The following SFI1 variants were observed in gnomAD, a reference collection of about 807,000 sequenced individuals.
SFI1 encodes the protein SFI1 centrin binding protein, also known as protein SFI1 homolog.
A neutral mutation model predicts 207.5 loss-of-function variants in SFI1; 195 were observed. The observed-to-expected ratio is 0.94, with a 90% CI of 0.84 to 1.06. The LOEUF (loss-of-function observed/expected upper bound fraction) is 1.06. SFI1 is among the 50% of genes least tolerant of loss of function. The pLI is 0.00. For missense variants in SFI1, 1,634 were observed against 1,588.0 expected (o/e 1.03, Z -0.49); for synonymous variants, 630 against 598.9 (o/e 1.05, Z -0.76).
chr22:31,575,511 C>G, intron 10 of SFI1, 119 bp downstream of exon 10: 1 of 1,072,366 alleles, frequency 9.3e-7, no homozygotes, highest in Non-Finnish European at 1.3e-6. Flanking sequence ...TTCAAAACAG[C>G]CTTATCTCTG....
chr22:31,508,075 C>T (rs2054912921), intron 1 of SFI1, among the ~76,000 whole-genome samples, 180 bp from the exon 2 acceptor site: 2 of 150,638 alleles, frequency 1.3e-5, no homozygotes, highest in Non-Finnish European at 3.0e-5. Context: ...GACTTCGTCT[C>T]AAAAAAATTA....
At chr22:31,552,060 C>T (rs1417464966) in intron 6 of SFI1, among the ~76,000 whole-genome samples, 1 of 152,158 alleles carries the variant, frequency 6.6e-6, no homozygotes, top group African/African-American at 2.4e-5. Flanking sequence ...TCCCCAGTGT[C>T]TATTATCTCC....
At chr22:31,503,523 A>G (rs1053412612) in intron 1 of SFI1, among the ~76,000 whole-genome samples, 3 of 151,070 alleles carry the variant, frequency 2.0e-5, no homozygotes, top group Non-Finnish European at 2.9e-5. Context: ...GCCACCTTAG[A>G]AGGTCAATCT....
chr22:31,602,118 A>T lies in SFI1; in HGVS notation c.1545-94A>T, dbSNP rs189591766. On this transcript the variant is annotated intron_variant, in intron 15 of 32. Coordinates refer to ENST00000400288, the MANE Select transcript of SFI1 (RefSeq NM_001007467.3). ...CACCTCTTATACGATAGCATGGTATAAAAGGAAAAATCCAATTATTTGGAA... is the reference window on the plus strand; with the variant it reads ...CACCTCTTATACGATAGCATGGTATTAAAGGAAAAATCCAATTATTTGGAA... The T allele has an allele frequency of 3.1e-3, 3,435 of 1,092,474 alleles. 9 individuals carry two copies. The highest frequency in any genetic ancestry group is 3.9e-3 in the Non-Finnish European group (2,781 of 713,194). 67.7% of individuals were successfully genotyped at this position (1,092,474 alleles called of 1,614,324 possible).
chr22:31,498,060 C>T lies in SFI1; in HGVS notation c.-31+1423C>T, dbSNP rs148014585. Among the ~76,000 whole-genome samples, 973 of 152,090 alleles carry T rather than the reference C, an allele frequency of 6.4e-3. 7 individuals carry two copies. Among genetic ancestry groups the T allele is most frequent in the Non-Finnish European group, 9.9e-3 (670 of 67,996 alleles). On this transcript the variant is annotated intron_variant, in intron 1 of 32. Transcript: ENST00000400288. ...CTGTAATCCCAGCACTTTGGGAGGCCGAGGCGGGTGGATCACGAGGTCAGG... is the reference window on the plus strand; with the variant it reads ...CTGTAATCCCAGCACTTTGGGAGGCTGAGGCGGGTGGATCACGAGGTCAGG...
chr22:31,539,116 G>A (rs1457496276), intron 4 of SFI1, among the ~76,000 whole-genome samples: 1 of 152,112 alleles, frequency 6.6e-6, no homozygotes, highest in East Asian at 1.9e-4. Flanking sequence ...CCAAAATCAT[G>A]TTGCTTCAAC....
chr22:31,550,192 T>G, intron 5 of SFI1, 62 bp from the exon 6 acceptor site: 3 of 1,350,738 alleles, frequency 2.2e-6, no homozygotes, highest in Non-Finnish European at 3.2e-6. Flanking sequence ...GTTACAGGTG[T>G]GAGCCACCGC....
chr22:31,581,482 GT>G (rs1420176027), intron 12 of SFI1, among the ~76,000 whole-genome samples: 17 of 151,868 alleles, frequency 1.1e-4, no homozygotes, highest in Admixed American at 1.1e-3. Flanking sequence ...GTAGAGACGG[GT>G]TTTTCCCCAT....
intron 20 of SFI1, chr22:31,606,022 T>G (rs149589310): frequency 5.8e-6 from 2 of 342,356 alleles, no homozygotes; most frequent in Non-Finnish European, 1.1e-5. Context: ...ACTTCTCTTA[T>G]CACAGTGTGA....
intron 12 of SFI1, among the ~76,000 whole-genome samples, chr22:31,582,227 TATATA>T: frequency 8.3e-5 from 4 of 48,454 alleles, no homozygotes; most frequent in East Asian, 7.9e-4. Context: ...TATATATATA[TATATA>T]TATATTTTTT....
chr22:31,615,729 A>C (rs1333821536), intron 29 of SFI1: 1 of 159,544 alleles, frequency 6.3e-6, no homozygotes, highest in Non-Finnish European at 1.4e-5. Context: ...GTTGCCACAG[A>C]GGGGACAGGT....
chr22:31,530,171 CAAAAAAAAAAAA>C (rs1162482504), intron 3 of SFI1, among the ~76,000 whole-genome samples: 2,772 of 11,868 alleles, frequency 0.23, 47 homozygotes, highest in African/African-American at 0.35. Context: ...GACTCCATCT[CAAAAAAAAAAAA>C]AAAAAAAAAA....
chr22:31,573,071 G>A lies in SFI1; in HGVS notation c.779G>A (p.Trp260Ter). The A allele has an allele frequency of 6.3e-7, 1 of 1,589,806 alleles. No individual in the cohort carries two copies. The highest frequency in any genetic ancestry group is 8.6e-7 in the Non-Finnish European group (1 of 1,168,050). Residue 260 changes from tryptophan to a stop codon, truncating the protein, a stop_gained, in exon 9 of 33, where the codon TGG (tryptophan) becomes TAG (stop). Coordinates refer to ENST00000400288, the MANE Select transcript of SFI1 (RefSeq NM_001007467.3). LOFTEE classifies it high-confidence loss of function. Reference protein sequence around the residue: ...LSLQVQAWSQWREQLLYVQKE... With the variant: ...LSLQVQAWSQ ...TCTGGTTTTCAGGCTTGGTCACAGT[G>A]GCGGGAACAGCTCCTGTATGTCCAG...
At chr22:31,610,110 T>C (rs772387930) in intron 22 of SFI1, among the ~76,000 whole-genome samples, 1 of 152,158 alleles carries the variant, frequency 6.6e-6, no homozygotes, top group Non-Finnish European at 1.5e-5. Flanking sequence ...TGGGGAACAA[T>C]TGACTGGCTT....
At chr22:31,562,365 C>A (rs2061795406) in intron 8 of SFI1, among the ~76,000 whole-genome samples, 1 of 150,782 alleles carries the variant, frequency 6.6e-6, no homozygotes, top group Admixed American at 6.6e-5. Context: ...AGACACAGTT[C>A]TCGCCAATAA....
chr22:31,584,974 T>G (rs1189130833), intron 13 of SFI1, 94 bp from the exon 14 acceptor site: 1 of 1,018,116 alleles, frequency 9.8e-7, no homozygotes, highest in East Asian at 2.5e-5. Context: ...TGGGGTGCCT[T>G]TAACTCACAG....
intron 2 of SFI1, among the ~76,000 whole-genome samples, chr22:31,517,958 C>T (rs1042759339): frequency 1.3e-5 from 2 of 152,090 alleles, no homozygotes; most frequent in African/African-American, 2.4e-5. Context: ...GTGAAGTCCT[C>T]TCCCTCCCCA....
At chr22:31,562,835 A>G (rs2061856244) in intron 8 of SFI1, among the ~76,000 whole-genome samples, 2 of 151,422 alleles carry the variant, frequency 1.3e-5, no homozygotes, top group East Asian at 2.0e-4. Context: ...GGGTTTCACC[A>G]TGTTAGCCAG....
chr22:31,614,751 G>C (rs775560111), intron 27 of SFI1, 38 bp from the exon 28 acceptor site: 2 of 1,610,714 alleles, frequency 1.2e-6, no homozygotes, highest in South Asian at 2.2e-5. Context: ...TGCAGCCCCT[G>C]GTCAGCCCAG....
Sources: gnomAD v4.1 joint callset for allele counts (sites outside exome capture counted in the v4.1 genomes callset) on GRCh38, gnomAD v4.1.1 for gene constraint, MANE v1.5 for transcripts, NCBI Gene and HGNC (gene_info 2026-07-23, HGNC 2026-07-21) for gene names.